CSNK1G1: variants seen among roughly 807,000 people sequenced by gnomAD.
CSNK1G1 encodes casein kinase 1 gamma 1, also known as casein kinase I isoform gamma-1.
In CSNK1G1, 22 loss-of-function variants were observed where a neutral mutation model predicts 59.6. The observed-to-expected ratio is 0.37, with a 90% confidence interval of 0.26 to 0.53. The LOEUF is 0.53. CSNK1G1 is among the 20% of genes least tolerant of loss of function. The pLI, the probability that CSNK1G1 is intolerant of heterozygous loss-of-function variation, is 0.89. For missense variants in CSNK1G1, 384 were observed against 519.5 expected (o/e 0.74, Z 2.54); for synonymous variants, 179 against 177.1 (o/e 1.01, Z -0.08).
At chr15:64,344,495 C>A (rs1029139441) in intron 1 of CSNK1G1, among the ~76,000 whole-genome samples, 8 of 152,128 alleles carry the variant, frequency 5.3e-5, no homozygotes, top group African/African-American at 1.9e-4. Flanking sequence ...ATAACTTCAC[C>A]ACTATTTTTA....
chr15:64,175,226 T>C (rs1161563817), intron 11 of CSNK1G1, among the ~76,000 whole-genome samples: 2 of 152,150 alleles, frequency 1.3e-5, no homozygotes, highest in East Asian at 3.8e-4. Context: ...TTGTTTTCTT[T>C]AATACATTCC....
chr15:64,253,403 T>C (rs1391252671), intron 3 of CSNK1G1, among the ~76,000 whole-genome samples: 5 of 152,074 alleles, frequency 3.3e-5, no homozygotes, highest in African/African-American at 9.7e-5. Context: ...ATGGCTATTA[T>C]CAAAAACAGA....
At position 64,188,366 on chromosome 15, in the gene CSNK1G1, A is replaced by G. The variant is rs1406447720; in HGVS notation, c.1108-7912T>C. On this transcript the variant is annotated intron_variant, in intron 10 of 11. Coordinates refer to ENST00000303052, the MANE Select transcript of CSNK1G1 (RefSeq NM_022048.5). The surrounding 1 kb of genome is among the most constrained non-coding windows in gnomAD (Gnocchi z 4.2). Reference sequence around the variant, plus strand: ...AAGGCCAGGAAAAGGCAATAAAGGCAGTAAATACCTGCACTGATCCCCCAT... The same window carrying G: ...AAGGCCAGGAAAAGGCAATAAAGGCGGTAAATACCTGCACTGATCCCCCAT... The G allele has an allele frequency of 2.0e-6, 3 of 1,530,368 alleles. No individual in the cohort carries two copies. The Admixed American group carries it at 5.9e-5, about 30-fold the overall frequency. The allele number at this position is 1,530,368 out of a possible 1,614,324, so 94.8% of individuals were successfully genotyped here.
At chr15:64,255,988 CTAAT>C (rs1892354115) in intron 3 of CSNK1G1, among the ~76,000 whole-genome samples, 1 of 152,148 alleles carries the variant, frequency 6.6e-6, no homozygotes, top group South Asian at 2.1e-4. Flanking sequence ...GTACATAAGA[CTAAT>C]TATACTGTAG....
At chr15:64,189,151 A>C (rs1477545781) in intron 10 of CSNK1G1, among the ~76,000 whole-genome samples, 1 of 152,068 alleles carries the variant, frequency 6.6e-6, no homozygotes, top group East Asian at 1.9e-4. Context: ...ATAATAACAA[A>C]AAAAATAGCT....
chr15:64,231,340 T>TTA (rs1303771249), intron 4 of CSNK1G1, among the ~76,000 whole-genome samples: 2 of 147,088 alleles, frequency 1.4e-5, no homozygotes, highest in Non-Finnish European at 3.0e-5. Context: ...TATATATATA[T>TTA]TATATATATA....
At position 64,167,382 on chromosome 15, in the gene CSNK1G1, T is replaced by C. The variant is rs779748488; in HGVS notation, c.*4549A>G. The C allele has an allele frequency of 6.6e-6, 1 of 152,612 alleles. No individual in the cohort carries two copies. Among genetic ancestry groups the C allele is most frequent in the Non-Finnish European group, 1.5e-5 (1 of 68,052 alleles). The allele number at this position is 152,612 out of a possible 1,614,324, so 9.5% of individuals were successfully genotyped here. On this transcript the variant is annotated 3_prime_UTR_variant, in exon 12 of 12. Coordinates refer to ENST00000303052, the MANE Select transcript of CSNK1G1 (RefSeq NM_022048.5). ...ACCCAAAGCCAAAGGAATCCCAATTTGATTCCTATCAACCCCTCATGGGAA... is the reference window on the plus strand; with the variant it reads ...ACCCAAAGCCAAAGGAATCCCAATTCGATTCCTATCAACCCCTCATGGGAA...
In CSNK1G1 at chr15:64,277,964, A is replaced by G. The variant is rs1202259811; in HGVS notation, c.182-18723T>C. On this transcript the variant is annotated intron_variant, in intron 2 of 11. Transcript: ENST00000303052. Reference sequence around the variant, plus strand: ...ATATTAATATTGATATAGTTGAATAATATATTAATATTGATATATTCGAAT... The same window carrying G: ...ATATTAATATTGATATAGTTGAATAGTATATTAATATTGATATATTCGAAT... 2.1e-5 allele frequency among the ~76,000 whole-genome samples: 3 copies of G among 145,732 alleles called. No individual in the cohort carries two copies. In the East Asian group the frequency reaches 5.9e-4, roughly 29 times the overall value.
In CSNK1G1 at chr15:64,195,403, A is replaced by G. The variant is rs144259379; in HGVS notation, c.1107+7679T>C. On this transcript the variant is annotated intron_variant, in intron 10 of 11. Coordinates refer to ENST00000303052, the MANE Select transcript of CSNK1G1 (RefSeq NM_022048.5). Reference sequence around the variant, plus strand: ...AGCCAGAGAAAAAGGAGACGCTATCATAACTCCTGAACCATTGCGGTGTAA... The same window carrying G: ...AGCCAGAGAAAAAGGAGACGCTATCGTAACTCCTGAACCATTGCGGTGTAA... 5.1e-3 allele frequency among the ~76,000 whole-genome samples: 780 copies of G among 152,368 alleles called. 10 individuals are homozygous for G. The highest frequency in any genetic ancestry group is 0.017 in the African/African-American group (721 of 41,588).
chr15:64,338,591 G>A (rs1050776788), intron 1 of CSNK1G1, among the ~76,000 whole-genome samples: 9 of 146,626 alleles, frequency 6.1e-5, no homozygotes, highest in Admixed American at 2.8e-4. Context: ...TCCCAGCTAC[G>A]CAGGAAGCTG....
chr15:64,223,002 A>G (rs1050674561), intron 4 of CSNK1G1, among the ~76,000 whole-genome samples: 6 of 152,226 alleles, frequency 3.9e-5, no homozygotes, highest in Non-Finnish European at 7.3e-5. Flanking sequence ...TACAGAAAAT[A>G]TACCTTTGAG....
At chr15:64,172,744 G>A (rs551337599) in intron 11 of CSNK1G1, among the ~76,000 whole-genome samples, 3 of 152,298 alleles carry the variant, frequency 2.0e-5, no homozygotes, top group Admixed American at 6.5e-5. Flanking sequence ...TGTGCCAGAT[G>A]GGGTTTATGA....
intron 5 of CSNK1G1, among the ~76,000 whole-genome samples, chr15:64,215,491 C>T (rs564684001): frequency 5.9e-5 from 9 of 152,114 alleles, no homozygotes; most frequent in Non-Finnish European, 1.3e-4. Flanking sequence ...GGATTACAGG[C>T]GTGAGCCACC....
chr15:64,288,683 C>A (rs1426792586), intron 2 of CSNK1G1, among the ~76,000 whole-genome samples: 1 of 151,954 alleles, frequency 6.6e-6, no homozygotes, highest in Non-Finnish European at 1.5e-5. Context: ...TCTTTGAAAG[C>A]CCACAACAGC....
At chr15:64,244,073 G>A (rs1358083766) in intron 4 of CSNK1G1, among the ~76,000 whole-genome samples, 2 of 151,510 alleles carry the variant, frequency 1.3e-5, no homozygotes, top group Admixed American at 1.3e-4. Context: ...GGAGGCTGAG[G>A]CAGGAGAATT....
intron 1 of CSNK1G1, among the ~76,000 whole-genome samples, chr15:64,338,598 G>A (rs1041816796): frequency 6.8e-6 from 1 of 148,012 alleles, no homozygotes; most frequent in Non-Finnish European, 1.5e-5. Flanking sequence ...TACGCAGGAA[G>A]CTGAGGCAGG....
In CSNK1G1 at chr15:64,180,139, A is replaced by AG; in HGVS notation, c.1214+208dup. 5 of 546,184 alleles carry AG rather than the reference A, an allele frequency of 9.2e-6. 1 individual carries two copies. In the South Asian group the frequency reaches 1.1e-4, roughly 12 times the overall value. The allele number at this position is 546,184 out of a possible 1,614,324, so 33.8% of individuals were successfully genotyped here. ...TCACTATGTCTTTTTCATGTGAACTAGAAAAATGTGACTGTCTTCCCCGAA... is the reference window on the plus strand; with the variant it reads ...TCACTATGTCTTTTTCATGTGAACTAGGAAAAATGTGACTGTCTTCCCCGAA... On this transcript the variant is annotated intron_variant, in intron 11 of 11. Transcript: ENST00000303052.
chr15:64,253,313 C>T (rs934162540), intron 3 of CSNK1G1, among the ~76,000 whole-genome samples: 2 of 152,106 alleles, frequency 1.3e-5, no homozygotes, highest in African/African-American at 4.8e-5. Flanking sequence ...CCACTGTACT[C>T]CAGCCTGGGC....
At chr15:64,245,416 T>C (rs1891699691) in intron 4 of CSNK1G1, among the ~76,000 whole-genome samples, 1 of 152,024 alleles carries the variant, frequency 6.6e-6, no homozygotes, top group Admixed American at 6.6e-5. Context: ...TAGCAAAAAA[T>C]AGTAAAAATA....
Sources: allele counts gnomAD v4.1 joint callset (sites outside exome capture counted in the v4.1 genomes callset), GRCh38; gene constraint gnomAD v4.1.1; non-coding constraint Gnocchi (gnomAD v3.1); transcripts MANE v1.5; gene names NCBI Gene and HGNC (gene_info 2026-07-23, HGNC 2026-07-21).